Variants in LINGO2 observed in about 807,000 individuals in gnomAD.
LINGO2 encodes leucine rich repeat and Ig domain containing 2, also known as leucine-rich repeat and immunoglobulin-like domain-containing nogo receptor-interacting protein 2.
A neutral mutation model predicts 30.6 loss-of-function variants in LINGO2; 14 were observed. The observed-to-expected ratio is 0.46, with a 90% CI of 0.30 to 0.72. The LOEUF (loss-of-function observed/expected upper bound fraction) is 0.72, where lower values mean the gene tolerates loss of function less well. LINGO2 is among the 30% of genes least tolerant of loss of function. The pLI, the probability that LINGO2 is intolerant of heterozygous loss-of-function variation, is 0.07. For synonymous variants in LINGO2, 317 were observed against 288.5 expected (o/e 1.10, Z -1.00); for missense variants, 729 against 751.7 (o/e 0.97, Z 0.35).
chr9:28,462,170 A>G lies in LINGO2; in HGVS notation c.-279+13770T>C, dbSNP rs1380243928. On this transcript the variant is annotated intron_variant, in intron 2 of 5. Transcript: ENST00000379992. Reference sequence around the variant, plus strand: ...AGTAACTGAATGGATTTCCCAGAGAACCTGACTCTGTCCATTAGGGTTAGA... The same window carrying G: ...AGTAACTGAATGGATTTCCCAGAGAGCCTGACTCTGTCCATTAGGGTTAGA... Among the ~76,000 whole-genome samples, 4 of 152,098 alleles carry G rather than the reference A, an allele frequency of 2.6e-5. No homozygotes were observed. The East Asian group carries it at 5.8e-4, about 22-fold the overall frequency.
At chr9:28,594,791 A>G (rs111517866) in intron 1 of LINGO2, among the ~76,000 whole-genome samples, 193 of 152,206 alleles carry the variant, frequency 1.3e-3, no homozygotes, top group Admixed American at 6.4e-3. Flanking sequence ...AGATAGCTTT[A>G]TATCCTATTT....
At chr9:28,390,406 T>C (rs1356116675) in intron 2 of LINGO2, among the ~76,000 whole-genome samples, 1 of 152,208 alleles carries the variant, frequency 6.6e-6, no homozygotes, top group Non-Finnish European at 1.5e-5. Flanking sequence ...AATAATTATC[T>C]AGTTATATCA....
chr9:29,013,634 T>C, the LINGO2 span, among the ~76,000 whole-genome samples: 1 of 152,274 alleles, frequency 6.6e-6, no homozygotes, highest in East Asian at 1.9e-4. Context: ...CATAATTAAC[T>C]TGTAGTCTAG....
intron 1 of LINGO2, among the ~76,000 whole-genome samples, chr9:28,507,655 T>C (rs1441128192): frequency 6.6e-6 from 1 of 152,262 alleles, no homozygotes; most frequent in East Asian, 1.9e-4. Context: ...CACGCCTACA[T>C]ATAAAACTTT....
chr9:28,585,934 G>A (rs1824512942), intron 1 of LINGO2, among the ~76,000 whole-genome samples: 1 of 151,966 alleles, frequency 6.6e-6, no homozygotes, highest in South Asian at 2.1e-4. Context: ...TTCCACAGTG[G>A]CACTAATGGC....
chr9:28,065,030 C>T (rs1229011459), intron 4 of LINGO2, among the ~76,000 whole-genome samples: 1 of 151,514 alleles, frequency 6.6e-6, no homozygotes, highest in Non-Finnish European at 1.5e-5. Context: ...CATTCCTACA[C>T]ATGCTGCTTG....
At chr9:28,361,129 T>C (rs1183902096) in intron 3 of LINGO2, among the ~76,000 whole-genome samples, 9 of 152,250 alleles carry the variant, frequency 5.9e-5, no homozygotes, top group Non-Finnish European at 7.3e-5. Context: ...ACCTGCCTGT[T>C]AGTCATTTAG....
intron 5 of LINGO2, among the ~76,000 whole-genome samples, chr9:27,980,886 T>C (rs1820821744): frequency 6.6e-6 from 1 of 151,906 alleles, no homozygotes; most frequent in Admixed American, 6.6e-5. Context: ...TAGTTTCTTA[T>C]GTGACATAAT....
chr9:28,158,737 C>T (rs1469754883), intron 4 of LINGO2, among the ~76,000 whole-genome samples: 1 of 152,140 alleles, frequency 6.6e-6, no homozygotes, highest in East Asian at 1.9e-4. Flanking sequence ...TGCTCCCCTG[C>T]ATGGGTGCAC....
intron 2 of LINGO2, among the ~76,000 whole-genome samples, chr9:28,387,037 G>A (rs879922632): frequency 1.3e-5 from 2 of 152,198 alleles, no homozygotes; most frequent in Non-Finnish European, 2.9e-5. Flanking sequence ...GGTGAAGCCA[G>A]CTGGACTTCC....
chr9:28,197,221 T>G (rs934221257), intron 4 of LINGO2, among the ~76,000 whole-genome samples: 4 of 151,942 alleles, frequency 2.6e-5, no homozygotes, highest in Non-Finnish European at 5.9e-5. Flanking sequence ...TGTTTTTAAT[T>G]TAAAAGATTA....
At chr9:28,343,509 A>G (rs1269135817) in intron 3 of LINGO2, among the ~76,000 whole-genome samples, 2 of 152,180 alleles carry the variant, frequency 1.3e-5, no homozygotes. Context: ...GTATACATAG[A>G]TTGTCCTGTA....
exon 6 of LINGO2, chr9:27,948,608 C>A: frequency 2.3e-6 from 1 of 439,578 alleles, no homozygotes; most frequent in Non-Finnish European, 4.0e-6. Flanking sequence ...CTGAGATCCC[C>A]AGAACGCCAA....
At chr9:28,935,261 C>T in the LINGO2 span, among the ~76,000 whole-genome samples, 18 of 152,084 alleles carry the variant, frequency 1.2e-4, no homozygotes, top group Middle Eastern at 3.4e-3. Context: ...TACATTCAAC[C>T]GGAATAACAG....
intron 5 of LINGO2, among the ~76,000 whole-genome samples, chr9:27,990,953 C>T (rs1821368756): frequency 6.6e-6 from 1 of 152,044 alleles, no homozygotes; most frequent in South Asian, 2.1e-4. Flanking sequence ...TTCAGAATCT[C>T]TGGTGTAAAC....
chr9:28,427,183 T>C (rs1320810475), intron 2 of LINGO2, among the ~76,000 whole-genome samples: 2 of 152,066 alleles, frequency 1.3e-5, no homozygotes, highest in East Asian at 3.9e-4. Context: ...CTGCAAGGGA[T>C]ACAAATATGT....
chr9:28,328,038 C>T (rs993274440), intron 3 of LINGO2, among the ~76,000 whole-genome samples: 4 of 152,060 alleles, frequency 2.6e-5, no homozygotes, highest in Non-Finnish European at 5.9e-5. Context: ...ATGTGTGCAT[C>T]AGAAAGCTCT....
upstream of LINGO2, among the ~76,000 whole-genome samples, chr9:28,671,289 A>G (rs374906242): frequency 1.4e-4 from 22 of 152,150 alleles, no homozygotes; most frequent in South Asian, 4.6e-3. Flanking sequence ...GTCAGTATAG[A>G]ATAAAAAGGG....
chr9:29,181,696 G>T, the LINGO2 span, among the ~76,000 whole-genome samples: 19 of 152,046 alleles, frequency 1.2e-4, no homozygotes, highest in African/African-American at 4.6e-4. Context: ...ACTTAACAAA[G>T]AAATCAAACA....
Sources: gnomAD v4.1 joint callset for allele counts (sites outside exome capture counted in the v4.1 genomes callset) on GRCh38, gnomAD v4.1.1 for gene constraint, MANE v1.5 for transcripts, NCBI Gene and HGNC (gene_info 2026-07-23, HGNC 2026-07-21) for gene names.